Variants in SLC27A2 observed in about 807,000 individuals in gnomAD.
SLC27A2 encodes the protein solute carrier family 27 member 2.
A neutral mutation model predicts 60.0 loss-of-function variants in SLC27A2; 54 were observed. The ratio of observed to expected loss-of-function variants is 0.90; its 90% CI spans 0.72 to 1.13. The LOEUF (loss-of-function observed/expected upper bound fraction) is 1.13. Among genes scored for constraint, SLC27A2 ranks in the 50% most tolerant of loss-of-function variants. The pLI is 0.00. For missense variants in SLC27A2, 739 were observed against 777.6 expected (o/e 0.95, Z 0.59); for synonymous variants, 297 against 297.6 (o/e 1.00, Z 0.02).
intron 1 of SLC27A2, among the ~76,000 whole-genome samples, chr15:50,186,323 A>G (rs1472194957): frequency 6.6e-6 from 1 of 152,162 alleles, no homozygotes. Context: ...AGGAATGTGT[A>G]TTTTTATAAG....
chr15:50,227,029 T>C lies in SLC27A2; in HGVS notation c.1308T>C (p.Asn436=). The change falls in exon 7 of 10, where the codon AAT becomes AAC. Residue 436 remains asparagine, a synonymous_variant. Transcript: ENST00000267842. ...VCKITQLTPF[N]GYAGAKAQTE... is the part of the protein sequence containing the mutation. The stretch of plus-strand genomic sequence containing the variant: ...AAATCACACAACTTACACCATTTAA[T>C]GGCTATGCTGGAGCAAAGGCTCAGA... 6.2e-7 allele frequency: 1 copy of C among 1,614,196 alleles called. No individual in the cohort carries two copies.
At position 50,187,939 on chromosome 15, in the gene SLC27A2, C is replaced by T. The variant is rs551548597; in HGVS notation, c.478+5034C>T. Among the ~76,000 whole-genome samples the T allele has an allele frequency of 5.9e-4, 66 of 112,354 alleles. No individual in the cohort carries two copies. In the South Asian group the frequency reaches 0.015, roughly 25 times the overall value. The allele number at this position is 112,354 out of a possible 152,430, so 73.7% of individuals were successfully genotyped here. ...TGGTACAACAATTTGATTTTCAAAG[C>T]AAGAAACATTTAGAGGGAGGAGAGG... On this transcript the variant is annotated intron_variant, in intron 1 of 9. Transcript: ENST00000267842.
At chr15:50,198,437 T>C (rs1376332923) in intron 2 of SLC27A2, 1 of 152,096 alleles carries the variant, frequency 6.6e-6, no homozygotes, top group Non-Finnish European at 1.5e-5. Flanking sequence ...ACTTCCATTT[T>C]AGAGATTCAG....
intron 2 of SLC27A2, among the ~76,000 whole-genome samples, chr15:50,200,320 TG>T (rs1359625791): frequency 6.6e-6 from 1 of 151,992 alleles, no homozygotes; most frequent in African/African-American, 2.4e-5. Context: ...CCCAGATACC[TG>T]GGGGGCTGAG....
chr15:50,207,922 G>A lies in SLC27A2; in HGVS notation c.972+2559G>A, dbSNP rs1448949446. Among the ~76,000 whole-genome samples the A allele has an allele frequency of 2.7e-5, 4 of 150,856 alleles. No individual in the cohort carries two copies. The East Asian group carries it at 5.8e-4, about 22-fold the overall frequency. ...GTAGAAAGTACAGATTGTATGGGAT[G>A]TAGGGAAAGATTATATCAAAAAGAC... On this transcript the variant is annotated intron_variant, in intron 4 of 9. Transcript: ENST00000267842.
intron 4 of SLC27A2, among the ~76,000 whole-genome samples, chr15:50,221,045 T>C (rs1187694915): frequency 1.3e-5 from 2 of 151,816 alleles, no homozygotes; most frequent in African/African-American, 4.8e-5. Flanking sequence ...CTCTACAAAA[T>C]TAATAAATAA....
intron 3 of SLC27A2, 131 bp downstream of exon 3, chr15:50,202,776 A>G (rs569244630): frequency 5.4e-5 from 44 of 820,284 alleles, no homozygotes; most frequent in African/African-American, 3.6e-4. Flanking sequence ...CAATAAGGCA[A>G]TTTGAATCAC....
At chr15:50,220,452 C>T (rs914907001) in intron 4 of SLC27A2, among the ~76,000 whole-genome samples, 1 of 152,128 alleles carries the variant, frequency 6.6e-6, no homozygotes, top group African/African-American at 2.4e-5. Context: ...TAATCACCAT[C>T]CAATAGACAA....
chr15:50,185,875 G>A (rs996329000), intron 1 of SLC27A2, among the ~76,000 whole-genome samples: 14 of 151,648 alleles, frequency 9.2e-5, no homozygotes, highest in South Asian at 4.2e-4. Flanking sequence ...GTGATCTGCC[G>A]GCCTTGGCCT....
At position 50,199,723 on chromosome 15, in the gene SLC27A2, G is replaced by A. The variant is rs145975226; in HGVS notation, c.688+2014G>A. On this transcript the variant is annotated intron_variant, in intron 2 of 9. Transcript: ENST00000267842. ...GCAGGAGGATTACTTGAGCCCAGGA[G>A]TTTGAGACCAGGCTGGGCAACATAG... Among the ~76,000 whole-genome samples the A allele has an allele frequency of 7.5e-3, 1,142 of 152,268 alleles. 9 individuals carry two copies. Among genetic ancestry groups the A allele is most frequent in the South Asian group, 0.028 (135 of 4,820 alleles).
Position 50,227,026 on chromosome 15 carries a change from T to A in SLC27A2, c.1305T>A (p.Phe435Leu). 1 of 1,614,210 alleles carries A rather than the reference T, an allele frequency of 6.2e-7. No homozygotes were observed. ...LVCKITQLTP[F>L]NGYAGAKAQT... ...GCAAAATCACACAACTTACACCATT[T>A]AATGGCTATGCTGGAGCAAAGGCTC... The change falls in exon 7 of 10, where the codon TTT (phenylalanine) becomes TTA (leucine). Residue 435 changes from phenylalanine (F) to leucine (L), a missense_variant. Transcript: ENST00000267842.
At chr15:50,231,442 C>G (rs1422592386) in intron 8 of SLC27A2, among the ~76,000 whole-genome samples, 1 of 152,012 alleles carries the variant, frequency 6.6e-6, no homozygotes, top group Non-Finnish European at 1.5e-5. Flanking sequence ...TGAGCCACCA[C>G]GCCTAGCAAA....
intron 3 of SLC27A2, 84 bp from the exon 4 acceptor site, chr15:50,205,155 C>A: frequency 6.9e-7 from 1 of 1,443,660 alleles, no homozygotes; most frequent in Non-Finnish European, 9.4e-7. Flanking sequence ...TAAATTTCTA[C>A]CGTTCAAAGT....
intron 4 of SLC27A2, among the ~76,000 whole-genome samples, chr15:50,217,582 G>A (rs547423504): frequency 6.6e-6 from 1 of 152,102 alleles, no homozygotes; most frequent in Non-Finnish European, 1.5e-5. Flanking sequence ...TGGGCTCACT[G>A]CCTCGTCAAC....
At chr15:50,184,354 G>T (rs916089334) in intron 1 of SLC27A2, among the ~76,000 whole-genome samples, 1 of 152,120 alleles carries the variant, frequency 6.6e-6, no homozygotes, top group Non-Finnish European at 1.5e-5. Flanking sequence ...TGCTGGAAGG[G>T]ATGAAGTGTC....
chr15:50,235,851 T>A (rs1483280132), intron 9 of SLC27A2, 69 bp from the exon 10 acceptor site: 13 of 1,200,614 alleles, frequency 1.1e-5, no homozygotes, highest in Non-Finnish European at 1.5e-5. Flanking sequence ...GCCCCACCCC[T>A]ACCCCTTGCT....
chr15:50,216,610 G>GTGTATATATATATATATA (rs1323910367), intron 4 of SLC27A2, among the ~76,000 whole-genome samples: 1 of 66,482 alleles, frequency 1.5e-5, no homozygotes, highest in Non-Finnish European at 3.0e-5. Context: ...GTGTGTGTGT[G>GTGTATATATATATATATA]TATATATATA....
rs781359042 is a variant in SLC27A2 at position 50,226,094 on chromosome 15, G to T, written c.1258+16G>T. 2 of 1,515,686 alleles carry T rather than the reference G, an allele frequency of 1.3e-6. No individual in the cohort carries two copies. The allele number at this position is 1,515,686 out of a possible 1,614,324, so 93.9% of individuals were successfully genotyped here. A position where few individuals can be genotyped will look rare whatever the true frequency, so the allele number is the denominator to read the frequency against. Reference sequence around the variant, plus strand: ...GTTCCCAAAGGTACAGTGGACTTTTGTTCAATCAACCTGTGCCCCTTCTTA... The same window carrying T: ...GTTCCCAAAGGTACAGTGGACTTTTTTTCAATCAACCTGTGCCCCTTCTTA... On this transcript the variant is annotated intron_variant, in intron 6 of 9. Coordinates refer to ENST00000267842, the MANE Select transcript of SLC27A2 (RefSeq NM_003645.4).
At chr15:50,197,363 G>A (rs545068047) in intron 1 of SLC27A2, 137 bp from the exon 2 acceptor site, 33 of 594,646 alleles carry the variant, frequency 5.5e-5, no homozygotes, top group South Asian at 3.2e-4. Flanking sequence ...AATGCATAAC[G>A]ATAAGCATCA....
Sources: allele counts gnomAD v4.1 joint callset (sites outside exome capture counted in the v4.1 genomes callset), GRCh38; gene constraint gnomAD v4.1.1; transcripts MANE v1.5; gene names NCBI Gene and HGNC (gene_info 2026-07-23, HGNC 2026-07-21).